The following PTPRD variants were observed in gnomAD, a reference collection of about 807,000 sequenced individuals.
PTPRD encodes the protein protein tyrosine phosphatase receptor type D, also known as receptor-type tyrosine-protein phosphatase delta.
PTPRD carries 34 observed loss-of-function variants against 214.5 expected under a neutral mutation model. The observed-to-expected ratio is 0.16, with a 90% confidence interval of 0.12 to 0.21. The LOEUF is 0.21. PTPRD is among the 10% of genes least tolerant of loss of function. PTPRD has a pLI of 1.00. For synonymous variants in PTPRD, 1,128 were observed against 845.7 expected (o/e 1.33, Z -5.79); for missense variants, 2,545 against 2,398.7 (o/e 1.06, Z -1.27).
intron 7 of PTPRD, among the ~76,000 whole-genome samples, chr9:9,669,507 A>G (rs979925337): frequency 6.6e-6 from 1 of 152,198 alleles, no homozygotes; most frequent in African/African-American, 2.4e-5. Context: ...TTAAAGTACC[A>G]CATTAAACAC....
chr9:10,092,436 G>T (rs992304721), intron 3 of PTPRD, among the ~76,000 whole-genome samples: 4 of 151,320 alleles, frequency 2.6e-5, no homozygotes, highest in South Asian at 2.1e-4. Context: ...TGATATTTCT[G>T]CTGAGAAAAT....
At chr9:9,397,229 T>G (rs761896993) in intron 9 of PTPRD, among the ~76,000 whole-genome samples, 1 of 151,948 alleles carries the variant, frequency 6.6e-6, no homozygotes, top group Non-Finnish European at 1.5e-5. Flanking sequence ...GTGAAGCATT[T>G]GTGAAAATAA....
rs138952820 is a variant in PTPRD, at chr9:9,509,911, C to T, written c.-237+64821G>A. On this transcript the variant is annotated intron_variant, in intron 8 of 45. Transcript: ENST00000381196. Reference sequence around the variant, plus strand: ...TCTGTCCTTACTGTGTGCCTTGTATCTAATGTAACTGCATTCCCCAGTTTC... The same window carrying T: ...TCTGTCCTTACTGTGTGCCTTGTATTTAATGTAACTGCATTCCCCAGTTTC... Among the ~76,000 whole-genome samples the T allele has an allele frequency of 3.0e-4, 45 of 151,766 alleles. 1 individual carries two copies. In the East Asian group the frequency reaches 8.4e-3, roughly 28 times the overall value.
intron 35 of PTPRD, among the ~76,000 whole-genome samples, chr9:8,427,087 C>T (rs569727641): frequency 1.4e-4 from 22 of 152,192 alleles, no homozygotes; most frequent in African/African-American, 4.8e-4. Context: ...TGAGACTGGT[C>T]CTTAACTGCA....
chr9:10,281,548 T>C (rs2154394495), intron 3 of PTPRD, among the ~76,000 whole-genome samples: 1 of 152,300 alleles, frequency 6.6e-6, no homozygotes, highest in African/African-American at 2.4e-5. Flanking sequence ...AGACTAGGCA[T>C]TTTAATTTTT....
In PTPRD at chr9:8,816,082, T is replaced by C. The variant is rs556384171; in HGVS notation, c.-103-82136A>G. Among the ~76,000 whole-genome samples the C allele has an allele frequency of 2.6e-5, 4 of 152,308 alleles. No homozygotes were observed. In the East Asian group the frequency reaches 5.8e-4, roughly 22 times the overall value. On this transcript the variant is annotated intron_variant, in intron 11 of 45. Coordinates refer to ENST00000381196, the MANE Select transcript of PTPRD (RefSeq NM_002839.4). ...CCAAACCACTACTAAGGATTTTAAA[T>C]GAAACCCCTGCTGATCTGTTTACTG... is the stretch of plus-strand genomic sequence containing the variant.
At chr9:9,705,807 C>A (rs562135167) in intron 7 of PTPRD, among the ~76,000 whole-genome samples, 1 of 152,118 alleles carries the variant, frequency 6.6e-6, no homozygotes, top group South Asian at 2.1e-4. Context: ...TTATACCATT[C>A]TTGAAGTCTA....
chr9:8,449,924 C>T (rs910472234), intron 33 of PTPRD, 87 bp from the exon 34 acceptor site: 9 of 1,299,298 alleles, frequency 6.9e-6, no homozygotes, highest in East Asian at 2.3e-5. Context: ...GCACTCCCCC[C>T]ACCTCCCAAG....
At chr9:10,589,007 A>G (rs1567088827) in intron 2 of PTPRD, among the ~76,000 whole-genome samples, 1 of 152,056 alleles carries the variant, frequency 6.6e-6, no homozygotes, top group East Asian at 1.9e-4. Context: ...CGTCTCACAA[A>G]AGAAGAAAAT....
At chr9:10,032,831 T>C (rs549280748) in intron 4 of PTPRD, among the ~76,000 whole-genome samples, 2 of 151,644 alleles carry the variant, frequency 1.3e-5, no homozygotes, top group East Asian at 3.9e-4. Flanking sequence ...ATTTCAACTG[T>C]ATGCAATTTA....
chr9:9,429,977 T>C lies in PTPRD; in HGVS notation c.-236-32495A>G, dbSNP rs1363306031. 2.0e-5 allele frequency among the ~76,000 whole-genome samples: 3 copies of C among 152,156 alleles called. No homozygotes were observed. In the East Asian group the frequency reaches 5.8e-4, roughly 29 times the overall value. ...ATGGGCAAAAACTGGAAGCATTCCCTTTGAAAACTGGCACAAGACAGGGAT... is the reference window on the plus strand; with the variant it reads ...ATGGGCAAAAACTGGAAGCATTCCCCTTGAAAACTGGCACAAGACAGGGAT... On this transcript the variant is annotated intron_variant, in intron 8 of 45. Coordinates refer to ENST00000381196, the MANE Select transcript of PTPRD (RefSeq NM_002839.4).
chr9:8,754,034 A>G (rs1202240730), intron 11 of PTPRD, among the ~76,000 whole-genome samples: 1 of 152,166 alleles, frequency 6.6e-6, no homozygotes, highest in East Asian at 1.9e-4. Context: ...AATCCCAGCT[A>G]GTCAGGAGGC....
At chr9:8,792,260 C>G (rs1016490699) in intron 11 of PTPRD, among the ~76,000 whole-genome samples, 1 of 152,072 alleles carries the variant, frequency 6.6e-6, no homozygotes, top group Non-Finnish European at 1.5e-5. Flanking sequence ...TACTTTGATT[C>G]TAAAAGTAAG....
chr9:10,397,844 A>T (rs892337346), intron 2 of PTPRD, among the ~76,000 whole-genome samples: 5 of 151,960 alleles, frequency 3.3e-5, no homozygotes, highest in African/African-American at 1.2e-4. Flanking sequence ...TATAGTAGGC[A>T]ATATCATATA....
At chr9:9,838,921 T>C (rs1309518263) in intron 5 of PTPRD, among the ~76,000 whole-genome samples, 1 of 152,136 alleles carries the variant, frequency 6.6e-6, no homozygotes, top group Non-Finnish European at 1.5e-5. Context: ...AAGTCTTTAA[T>C]CCATCTTGAA....
chr9:10,086,301 G>C (rs1294530656), intron 3 of PTPRD, among the ~76,000 whole-genome samples: 1 of 151,704 alleles, frequency 6.6e-6, no homozygotes, highest in Non-Finnish European at 1.5e-5. Context: ...GTACTATGCT[G>C]TCTGGGAGTC....
intron 5 of PTPRD, among the ~76,000 whole-genome samples, chr9:9,800,136 C>A (rs918737566): frequency 6.6e-6 from 1 of 152,062 alleles, no homozygotes; most frequent in African/African-American, 2.4e-5. Context: ...GTCCTGCATA[C>A]CACACTCTTT....
chr9:10,561,575 G>A (rs530114458), intron 2 of PTPRD, among the ~76,000 whole-genome samples: 33 of 152,186 alleles, frequency 2.2e-4, no homozygotes, highest in Admixed American at 2.0e-3. Flanking sequence ...ATTCAATAGA[G>A]ACCAAATATA....
At chr9:9,075,087 T>G (rs2099749082) in intron 10 of PTPRD, among the ~76,000 whole-genome samples, 1 of 152,110 alleles carries the variant, frequency 6.6e-6, no homozygotes, top group African/African-American at 2.4e-5. Context: ...AAATGCTTAT[T>G]GTACTTTCCT....
Sources: gnomAD v4.1 joint callset for allele counts (sites outside exome capture counted in the v4.1 genomes callset) on GRCh38, gnomAD v4.1.1 for gene constraint, MANE v1.5 for transcripts, NCBI Gene and HGNC (gene_info 2026-07-23, HGNC 2026-07-21) for gene names.